NTRK3: variants seen among roughly 807,000 people sequenced by gnomAD.
NTRK3 encodes NT-3 growth factor receptor.
In NTRK3, 24 loss-of-function variants were observed where a neutral mutation model predicts 91.7. That is an observed-to-expected ratio of 0.26 (90% CI 0.19 to 0.37). The LOEUF (loss-of-function observed/expected upper bound fraction) is 0.37, where lower values mean the gene tolerates loss of function less well. NTRK3 is among the 10% of genes least tolerant of loss of function. NTRK3 has a pLI of 1.00. For missense variants in NTRK3, 880 were observed against 1,068.9 expected (o/e 0.82, Z 2.46); for synonymous variants, 483 against 404.0 (o/e 1.20, Z -2.34).
chr15:88,032,438 G>A (rs1379716130), intron 14 of NTRK3, among the ~76,000 whole-genome samples: 6 of 152,108 alleles, frequency 3.9e-5, no homozygotes, highest in African/African-American at 7.2e-5. Context: ...GGTACTCACT[G>A]CCCTTTATTC....
chr15:88,097,080 G>C (rs572342645), intron 13 of NTRK3, among the ~76,000 whole-genome samples: 1 of 152,342 alleles, frequency 6.6e-6, no homozygotes, highest in East Asian at 1.9e-4. Context: ...TGGCCACTGA[G>C]CACCTGAGAC....
chr15:87,909,283 G>A (rs1235845805), intron 17 of NTRK3, among the ~76,000 whole-genome samples: 1 of 152,126 alleles, frequency 6.6e-6, no homozygotes, highest in Admixed American at 6.5e-5. Flanking sequence ...AGTGAGAGGA[G>A]GGGGGTGCAT....
chr15:88,232,297 C>T (rs1443896751), intron 3 of NTRK3, among the ~76,000 whole-genome samples: 1 of 151,678 alleles, frequency 6.6e-6, no homozygotes, highest in Non-Finnish European at 1.5e-5. Context: ...CTTCTATCGC[C>T]ACCTCACTTG....
chr15:88,230,976 C>T (rs537488869), intron 3 of NTRK3, among the ~76,000 whole-genome samples: 1 of 152,304 alleles, frequency 6.6e-6, no homozygotes, highest in South Asian at 2.1e-4. Context: ...AGTCTTGACC[C>T]CCCTTCTTTA....
chr15:88,110,428 T>A (rs568370813), intron 13 of NTRK3, among the ~76,000 whole-genome samples: 11 of 152,112 alleles, frequency 7.2e-5, no homozygotes, highest in Non-Finnish European at 1.5e-4. Context: ...AATCCACAGG[T>A]ACCAAAAGGA....
At chr15:87,925,733 C>A (rs183064551) in intron 17 of NTRK3, 6 of 181,294 alleles carry the variant, frequency 3.3e-5, no homozygotes, top group Non-Finnish European at 7.1e-5. Flanking sequence ...AGCAGTATTT[C>A]CATACATGTT....
In NTRK3 at chr15:88,255,842, G is replaced by T. The variant is rs897064914; in HGVS notation, c.248+64C>A. On this transcript the variant is annotated intron_variant, in intron 3 of 18. Transcript: ENST00000394480. The surrounding 1 kb of genome is among the most constrained non-coding windows in gnomAD (Gnocchi z 4.3). ...GGGCGGAGGGCCGGCTCCCGGCCGC[G>T]GGTGGGCAGGAGGGAGACGCAGAGC... The T allele has an allele frequency of 6.8e-5, 97 of 1,424,784 alleles. No homozygotes were observed. The highest frequency in any genetic ancestry group is 2.1e-5 in the Non-Finnish European group (22 of 1,070,836). 88.3% of individuals were successfully genotyped at this position (1,424,784 alleles called of 1,614,324 possible). A position where few individuals can be genotyped will look rare whatever the true frequency, so the allele number is the denominator to read the frequency against.
chr15:88,127,586 T>C (rs2053426205), intron 11 of NTRK3, among the ~76,000 whole-genome samples: 2 of 152,250 alleles, frequency 1.3e-5, no homozygotes, highest in Admixed American at 1.3e-4. Context: ...GGCCAGGGTC[T>C]GGATTAGGCA....
chr15:88,161,336 G>C (rs2044437584), intron 5 of NTRK3, among the ~76,000 whole-genome samples: 1 of 152,182 alleles, frequency 6.6e-6, no homozygotes, highest in African/African-American at 2.4e-5. Context: ...TTGAACCCCA[G>C]CAGTCTGGAT....
chr15:88,058,319 G>GT (rs2142416516), intron 13 of NTRK3, among the ~76,000 whole-genome samples: 1 of 152,302 alleles, frequency 6.6e-6, no homozygotes, highest in African/African-American at 2.4e-5. Context: ...ACGTCTCTCA[G>GT]TTTTTTCACC....
In NTRK3 at chr15:88,240,582, A is replaced by G. The variant is rs939211753; in HGVS notation, c.248+15324T>C. ...TGGCAGGAAATGGAAAGGGGTCTGT[A>G]ATACAGGGCTGCCCCCCTGGCTCTG... On this transcript the variant is annotated intron_variant, in intron 3 of 18. Transcript: ENST00000394480. This position sits in a 1 kb window ranked among gnomAD's most constrained non-coding sequence, Gnocchi z 4.9. Among the ~76,000 whole-genome samples, 1 of 152,136 alleles carries G rather than the reference A, an allele frequency of 6.6e-6. No individual in the cohort carries two copies. The highest frequency in any genetic ancestry group is 2.4e-5 in the African/African-American group (1 of 41,424).
At chr15:87,923,784 G>A (rs2068067127) in intron 17 of NTRK3, among the ~76,000 whole-genome samples, 1 of 152,118 alleles carries the variant, frequency 6.6e-6, no homozygotes, top group Non-Finnish European at 1.5e-5. Flanking sequence ...TGAGAGCTCT[G>A]CTCTCATGAA....
At chr15:88,027,755 G>A (rs1234257263) in intron 14 of NTRK3, among the ~76,000 whole-genome samples, 2 of 152,152 alleles carry the variant, frequency 1.3e-5, no homozygotes, top group African/African-American at 4.8e-5. Context: ...TTTGACCCTA[G>A]TTCCATGCTG....
At chr15:88,107,058 C>T (rs991582196) in intron 13 of NTRK3, among the ~76,000 whole-genome samples, 4 of 151,662 alleles carry the variant, frequency 2.6e-5, no homozygotes, top group Non-Finnish European at 4.4e-5. Context: ...ATGATGCTAA[C>T]AGTGGTCATT....
At chr15:87,911,706 T>C (rs1402991180) in intron 17 of NTRK3, among the ~76,000 whole-genome samples, 1 of 152,234 alleles carries the variant, frequency 6.6e-6, no homozygotes, top group Non-Finnish European at 1.5e-5. Flanking sequence ...CTTTGTGATC[T>C]CTGATTGTTC....
At chr15:87,941,205 C>A (rs537677997) in intron 14 of NTRK3, among the ~76,000 whole-genome samples, 5 of 152,238 alleles carry the variant, frequency 3.3e-5, no homozygotes, top group South Asian at 4.1e-4. Context: ...GTTGGTCATA[C>A]TTTGAAAAGC....
exon 19 of NTRK3, chr15:87,865,450 C>T (rs1477852012): frequency 9.3e-6 from 2 of 214,594 alleles, no homozygotes; most frequent in African/African-American, 2.3e-5. Context: ...GGGAATCCCA[C>T]TCACACGTAT....
intron 17 of NTRK3, among the ~76,000 whole-genome samples, chr15:87,892,943 T>C (rs1034554267): frequency 6.6e-6 from 1 of 152,224 alleles, no homozygotes; most frequent in Non-Finnish European, 1.5e-5. Context: ...TTAAAGTTCA[T>C]CAGATGTGTT....
chr15:88,252,471 C>G (rs560941295), intron 3 of NTRK3: 2 of 152,322 alleles, frequency 1.3e-5, no homozygotes, highest in South Asian at 4.1e-4. Context: ...CTCAGAGTCC[C>G]AGCTAAGAGC....
Sources: gnomAD v4.1 joint callset for allele counts (sites outside exome capture counted in the v4.1 genomes callset) on GRCh38, gnomAD v4.1.1 for gene constraint, Gnocchi (gnomAD v3.1) non-coding constraint, MANE v1.5 for transcripts, NCBI Gene and HGNC (gene_info 2026-07-23, HGNC 2026-07-21) for gene names.